Variants in R3HDM2 observed in about 807,000 individuals in gnomAD.
The protein encoded by R3HDM2 is R3H domain-containing protein 2.
R3HDM2 carries 38 observed loss-of-function variants against 124.5 expected under a neutral mutation model. That is an observed-to-expected ratio of 0.31 (90% CI 0.24 to 0.40). The LOEUF is 0.40. Among genes scored for constraint, R3HDM2 ranks in the 10% least tolerant of loss-of-function variants. R3HDM2 has a pLI of 1.00. For missense variants in R3HDM2, 869 were observed against 1,236.9 expected, an observed-to-expected ratio of 0.70 and a Z score of 4.46; for synonymous variants, 391 against 448.0, an observed-to-expected ratio of 0.87 and a Z score of 1.61.
At chr12:57,261,979 C>G (rs1157480428) in intron 19 of R3HDM2, among the ~76,000 whole-genome samples, 1 of 152,044 alleles carries the variant, frequency 6.6e-6, no homozygotes, top group African/African-American at 2.4e-5. Context: ...CACAGCAAAC[C>G]GCATAAATAC....
In R3HDM2 at chr12:57,295,361, A is replaced by C. The variant is rs993208370; in HGVS notation, c.810+38T>G. 4 of 1,409,206 alleles carry C rather than the reference A, an allele frequency of 2.8e-6. No homozygotes were observed. The African/African-American group carries it at 5.7e-5, about 20-fold the overall frequency. 87.3% of individuals were successfully genotyped at this position (1,409,206 alleles called of 1,614,324 possible). On this transcript the variant is annotated intron_variant, in intron 10 of 23. Transcript: ENST00000402412. ...CTCCCTTCCCAGTTTCTCTTACTGC[A>C]AACTCTCTATATAGGCCCACCCCTT...
chr12:57,299,522 C>T (rs2050651061), intron 5 of R3HDM2, 44 bp from the exon 6 acceptor site: 3 of 1,512,116 alleles, frequency 2.0e-6, no homozygotes, highest in African/African-American at 2.8e-5. Flanking sequence ...AAGATTTTAA[C>T]TTTCTTGCAG....
chr12:57,341,262 G>A (rs11609805), intron 2 of R3HDM2: 59,866 of 281,606 alleles, frequency 0.21, 6,790 homozygotes, highest in Admixed American at 0.28. Context: ...TTCTGACTTC[G>A]GTCTGACCCT....
At chr12:57,289,371 G>A (rs369590604) in intron 11 of R3HDM2, among the ~76,000 whole-genome samples, 5 of 152,146 alleles carry the variant, frequency 3.3e-5, no homozygotes, top group African/African-American at 1.2e-4. Flanking sequence ...TGGTAACTTG[G>A]GAATAATAAC....
At chr12:57,368,056 G>GT (rs1330175313) in intron 2 of R3HDM2, among the ~76,000 whole-genome samples, 1 of 149,892 alleles carries the variant, frequency 6.7e-6, no homozygotes, top group Non-Finnish European at 1.5e-5. Context: ...TTTTTTTTTG[G>GT]TTTTTTGGTT....
intron 19 of R3HDM2, among the ~76,000 whole-genome samples, chr12:57,263,529 C>T (rs1228037418): frequency 1.3e-5 from 2 of 152,106 alleles, no homozygotes; most frequent in Admixed American, 6.5e-5. Flanking sequence ...AGTGCAGTGG[C>T]GCAATCTCGG....
intron 19 of R3HDM2, among the ~76,000 whole-genome samples, chr12:57,263,380 T>A (rs915107121): frequency 6.6e-6 from 1 of 152,156 alleles, no homozygotes; most frequent in South Asian, 2.1e-4. Context: ...TGGCAGACAC[T>A]AGGAGAAACA....
chr12:57,373,209 A>G (rs2063583106), intron 2 of R3HDM2, among the ~76,000 whole-genome samples: 1 of 152,184 alleles, frequency 6.6e-6, no homozygotes, highest in African/African-American at 2.4e-5. Flanking sequence ...CTCTAAAAAC[A>G]GTAATAACAA....
intron 2 of R3HDM2, among the ~76,000 whole-genome samples, chr12:57,350,214 A>T (rs1230052389): frequency 3.9e-5 from 6 of 152,164 alleles, no homozygotes; most frequent in Non-Finnish European, 8.8e-5. Flanking sequence ...TGTCTCAAAC[A>T]AATTAATAAA....
chr12:57,329,392 A>C (rs2136529482), intron 2 of R3HDM2, among the ~76,000 whole-genome samples: 1 of 152,350 alleles, frequency 6.6e-6, no homozygotes, highest in East Asian at 1.9e-4. Context: ...TACTGTTTCT[A>C]CAACTTACTA....
intron 1 of R3HDM2, among the ~76,000 whole-genome samples, chr12:57,424,819 C>T (rs1173874091): frequency 6.6e-6 from 1 of 152,136 alleles, no homozygotes; most frequent in East Asian, 1.9e-4. Context: ...ATCCTCCCGC[C>T]TCAGATTCCC....
chr12:57,255,238 T>C (rs1006983980), intron 23 of R3HDM2, 125 bp from the exon 24 acceptor site: 5 of 773,604 alleles, frequency 6.5e-6, no homozygotes, highest in Non-Finnish European at 1.0e-5. Context: ...GCCTGGCCTT[T>C]CTCTCTTAGC....
intron 1 of R3HDM2, among the ~76,000 whole-genome samples, chr12:57,413,416 C>T (rs1158390272): frequency 2.9e-5 from 4 of 139,676 alleles, no homozygotes; most frequent in South Asian, 4.5e-4. Context: ...CAATATAGTG[C>T]AACCTTCTAT....
intron 11 of R3HDM2, 26 bp downstream of exon 11, chr12:57,292,546 T>C: frequency 2.1e-6 from 3 of 1,462,772 alleles, no homozygotes; most frequent in Non-Finnish European, 2.8e-6. Context: ...AGCTATGGGC[T>C]GACAACTCTC....
intron 2 of R3HDM2, among the ~76,000 whole-genome samples, chr12:57,347,139 A>C (rs2060170554): frequency 6.6e-6 from 1 of 152,042 alleles, no homozygotes; most frequent in Non-Finnish European, 1.5e-5. Context: ...TCAGCTACTC[A>C]GGAGGCTGAG....
intron 2 of R3HDM2, among the ~76,000 whole-genome samples, chr12:57,379,716 C>T (rs913625631): frequency 6.6e-6 from 1 of 152,004 alleles, no homozygotes; most frequent in Non-Finnish European, 1.5e-5. Flanking sequence ...AAGCTATTGG[C>T]CACAAAAAGC....
intron 2 of R3HDM2, among the ~76,000 whole-genome samples, chr12:57,338,951 T>C (rs2059212991): frequency 6.6e-6 from 1 of 152,158 alleles, no homozygotes; most frequent in African/African-American, 2.4e-5. Flanking sequence ...TTATTATGTA[T>C]ATATTAACTC....
intron 3 of R3HDM2, among the ~76,000 whole-genome samples, chr12:57,307,703 T>C (rs2052995734): frequency 6.6e-6 from 1 of 151,032 alleles, no homozygotes; most frequent in African/African-American, 2.4e-5. Flanking sequence ...CTTGACTCAC[T>C]GCAACCTCTG....
intron 14 of R3HDM2, among the ~76,000 whole-genome samples, chr12:57,272,162 C>T (rs571324074): frequency 6.6e-6 from 1 of 152,240 alleles, no homozygotes; most frequent in East Asian, 1.9e-4. Flanking sequence ...GGATGTACAT[C>T]GTAGAGATGA....
Sources: allele counts gnomAD v4.1 joint callset (sites outside exome capture counted in the v4.1 genomes callset), GRCh38; gene constraint gnomAD v4.1.1; transcripts MANE v1.5; gene names NCBI Gene and HGNC (gene_info 2026-07-23, HGNC 2026-07-21).